AHDC1: variants seen among roughly 807,000 people sequenced by gnomAD.
AHDC1 encodes transcription factor Gibbin.
AHDC1 carries 7 observed loss-of-function variants against 87.9 expected under a neutral mutation model. That is an observed-to-expected ratio of 0.08 (90% CI 0.05 to 0.15). The LOEUF (loss-of-function observed/expected upper bound fraction) is 0.15. AHDC1 is among the 10% of genes least tolerant of loss of function. The pLI, the probability that AHDC1 is intolerant of heterozygous loss-of-function variation, is 1.00. For synonymous variants in AHDC1, 1,051 were observed against 1,006.8 expected (o/e 1.04, Z -0.83); for missense variants, 1,841 against 2,253.2 (o/e 0.82, Z 3.70).
At chr1:27,602,991 C>G (rs957488216) in intron 3 of AHDC1, among the ~76,000 whole-genome samples, 17 of 140,484 alleles carry the variant, frequency 1.2e-4, no homozygotes, top group Admixed American at 7.0e-4. Context: ...TTCATTCCCC[C>G]CCCCCCCACA....
At chr1:27,603,067 G>T (rs1045004063) in intron 3 of AHDC1, among the ~76,000 whole-genome samples, 29 of 150,522 alleles carry the variant, frequency 1.9e-4, no homozygotes, top group African/African-American at 6.6e-4. Context: ...GGAAGGAGGA[G>T]GGGGCGCGCG....
At chr1:27,578,014 T>C (rs1210845075) in intron 3 of AHDC1, among the ~76,000 whole-genome samples, 1 of 152,196 alleles carries the variant, frequency 6.6e-6, no homozygotes, top group Non-Finnish European at 1.5e-5. Context: ...GGGTGTAACC[T>C]CTGGCGAGTA....
chr1:27,571,530 CTCTGGAATCTCGGGGGTCAGGGCTG>C (rs1571295413), intron 3 of AHDC1, among the ~76,000 whole-genome samples: 1 of 152,110 alleles, frequency 6.6e-6, no homozygotes, highest in East Asian at 1.9e-4. Flanking sequence ...TCCCCCCAGG[CTCTGGAATCTCGGGGGTCAGGGCTG>C]AGGGACAGCC....
Position 27,547,303 on chromosome 1 carries a change from A to G in AHDC1, c.*1T>C. The G allele has an allele frequency of 6.5e-7, 1 of 1,528,660 alleles. No individual in the cohort carries two copies. Among genetic ancestry groups the G allele is most frequent in the Non-Finnish European group, 8.8e-7 (1 of 1,140,014 alleles). The allele number at this position is 1,528,660 out of a possible 1,614,324, so 94.7% of individuals were successfully genotyped here. A position where few individuals can be genotyped will look rare whatever the true frequency, so the allele number is the denominator to read the frequency against. ...CGGTCCAGTCGGCACTTCAGTTGGC[A>G]CTACAGGGATGTGACGGTGAATGTG... is the stretch of plus-strand genomic sequence containing the variant. On this transcript the variant is annotated 3_prime_UTR_variant, in exon 8 of 9. Coordinates refer to ENST00000673934, the MANE Select transcript of AHDC1 (RefSeq NM_001371928.1). This position sits in a 1 kb window ranked among gnomAD's most constrained non-coding sequence, Gnocchi z 4.9.
At chr1:27,578,700 CTCTTT>C (rs1403877550) in intron 3 of AHDC1, among the ~76,000 whole-genome samples, 1 of 151,172 alleles carries the variant, frequency 6.6e-6, no homozygotes, top group Non-Finnish European at 1.5e-5. Flanking sequence ...TATGTGGCTT[CTCTTT>C]TTTTTTTTTG....
intron 3 of AHDC1, among the ~76,000 whole-genome samples, chr1:27,576,220 G>A (rs958191571): frequency 6.6e-6 from 1 of 152,144 alleles, no homozygotes; most frequent in Non-Finnish European, 1.5e-5. Flanking sequence ...AATTGGGGTT[G>A]AGCTACCCGG....
rs758233529 is a variant in AHDC1, at chr1:27,549,779, G to T, written c.2337C>A (p.His779Gln). Reference sequence around the variant, plus strand: ...CAGCTTGTCCGCCTGGGTGCCCATGGTGAGGGGCCCAGCCACCACCCTTAT... The same window carrying T: ...CAGCTTGTCCGCCTGGGTGCCCATGTTGAGGGGCCCAGCCACCACCCTTAT... ...AGDKGGGWAP[H>Q]HGHPGGQAGR... The change falls in exon 8 of 9, where the codon CAC (histidine) becomes CAA (glutamine). Residue 779 changes from histidine to glutamine, a missense_variant. By Grantham distance (24) the His-to-Gln change is conservative. Transcript: ENST00000673934. 16 of 1,613,152 alleles carry T rather than the reference G, an allele frequency of 9.9e-6. No homozygotes were observed. The Middle Eastern group carries it at 9.9e-4, about 99-fold the overall frequency.
At chr1:27,538,475 G>GT (rs2018752129) in intron 8 of AHDC1, among the ~76,000 whole-genome samples, 1 of 150,602 alleles carries the variant, frequency 6.6e-6, no homozygotes, top group Admixed American at 6.6e-5. Context: ...GTGACCCAGA[G>GT]TAAGTCCCTT....
At chr1:27,570,470 T>C (rs2020518567) in intron 3 of AHDC1, among the ~76,000 whole-genome samples, 2 of 152,116 alleles carry the variant, frequency 1.3e-5, no homozygotes, top group African/African-American at 4.8e-5. Context: ...CCAAGTTTCC[T>C]GGGTCCCCGC....
intron 8 of AHDC1, among the ~76,000 whole-genome samples, chr1:27,538,185 TGAGCTCAG>T (rs1373268202): frequency 6.6e-6 from 1 of 151,906 alleles, no homozygotes; most frequent in African/African-American, 2.4e-5. Context: ...GTGGATCTCT[TGAGCTCAG>T]GAGCTCAAGA....
intron 3 of AHDC1, chr1:27,568,135 T>C (rs745853046): frequency 3.9e-5 from 6 of 152,106 alleles, no homozygotes; most frequent in East Asian, 3.9e-4. Flanking sequence ...AAGGGCCCGA[T>C]AGTACAAGGT....
rs948929880 is a variant in AHDC1, at chr1:27,590,148, C to A, written c.-629+13249G>T. Among the ~76,000 whole-genome samples the A allele has an allele frequency of 1.3e-5, 2 of 151,668 alleles. No homozygotes were observed. The highest frequency in any genetic ancestry group is 2.9e-5 in the Non-Finnish European group (2 of 67,984). On this transcript the variant is annotated intron_variant, in intron 3 of 8. Coordinates refer to ENST00000673934, the MANE Select transcript of AHDC1 (RefSeq NM_001371928.1). This position sits in a 1 kb window ranked among gnomAD's most constrained non-coding sequence, Gnocchi z 5.4. The stretch of plus-strand genomic sequence containing the variant: ...GAGGGGAGGGATGAGCTGCAGGCCC[C>A]GGCCGGGATTTTCCATCTCTCAGCA...
intron 8 of AHDC1, among the ~76,000 whole-genome samples, chr1:27,541,001 TAAAAAAAAAAAAA>T (rs55912405): frequency 9.7e-5 from 7 of 72,370 alleles, no homozygotes; most frequent in African/African-American, 3.5e-4. Context: ...CTAAAAATGC[TAAAAAAAAAAAAA>T]AAAAAAAAAA....
Position 27,593,124 on chromosome 1 carries a change from C to T in AHDC1, c.-629+10273G>A, listed in dbSNP as rs1351719887. ...AGGCCTCGGTGGAACGGAGTAGACACGGTGTCTCCTCAGGGAAGGCCCCTA... is the reference window on the plus strand; with the variant it reads ...AGGCCTCGGTGGAACGGAGTAGACATGGTGTCTCCTCAGGGAAGGCCCCTA... On this transcript the variant is annotated intron_variant, in intron 3 of 8. Transcript: ENST00000673934. The surrounding 1 kb of genome is among the most constrained non-coding windows in gnomAD (Gnocchi z 4.9). Among the ~76,000 whole-genome samples the T allele has an allele frequency of 2.6e-5, 4 of 152,044 alleles. No homozygotes were observed. The highest frequency in any genetic ancestry group is 4.8e-5 in the African/African-American group (2 of 41,382).
At chr1:27,555,850 C>T (rs1037932040) in intron 5 of AHDC1, among the ~76,000 whole-genome samples, 3 of 152,142 alleles carry the variant, frequency 2.0e-5, no homozygotes, top group Non-Finnish European at 4.4e-5. Flanking sequence ...TCAACCCACC[C>T]GTGAAGACCT....
Position 27,590,933 on chromosome 1 carries a change from T to C in AHDC1, c.-629+12464A>G, listed in dbSNP as rs940181229. 2.0e-5 allele frequency among the ~76,000 whole-genome samples: 3 copies of C among 152,142 alleles called. No homozygotes were observed. The highest frequency in any genetic ancestry group is 4.4e-5 in the Non-Finnish European group (3 of 68,004). On this transcript the variant is annotated intron_variant, in intron 3 of 8. Transcript: ENST00000673934. The surrounding 1 kb of genome is among the most constrained non-coding windows in gnomAD (Gnocchi z 5.4). ...ATGAGCAGTTGGAGAGCAGGTTTGC[T>C]AAGAGACTAAGGTTGAGGAGGAGAA...
intron 5 of AHDC1, among the ~76,000 whole-genome samples, chr1:27,557,122 CGCCCCCTGCCA>C (rs2019854953): frequency 6.6e-6 from 1 of 151,154 alleles, no homozygotes; most frequent in South Asian, 2.1e-4. Flanking sequence ...GCCCCAGAAC[CGCCCCCTGCCA>C]GCCCCCTGCC....
chr1:27,552,400 C>A, intron 7 of AHDC1: 1 of 271,704 alleles, frequency 3.7e-6, no homozygotes. Context: ...CCCAGTTTCA[C>A]TTTTTTTTTT....
At position 27,548,141 on chromosome 1, in the gene AHDC1, T is replaced by C; in HGVS notation, c.3975A>G (p.Pro1325=). The change falls in exon 8 of 9, where the codon CCA becomes CCG. Residue 1325 remains proline, a synonymous_variant. Coordinates refer to ENST00000673934, the MANE Select transcript of AHDC1 (RefSeq NM_001371928.1). ...DYYSGDSSMS[P]LPSQSRAFGV... ...CGAAGGCCCTCGACTGTGAGGGCAGTGGTGACATGCTGCTGTCCCCGCTAT... is the reference window on the plus strand; with the variant it reads ...CGAAGGCCCTCGACTGTGAGGGCAGCGGTGACATGCTGCTGTCCCCGCTAT... 6.2e-7 allele frequency: 1 copy of C among 1,613,872 alleles called. No homozygotes were observed. Among genetic ancestry groups the C allele is most frequent in the Non-Finnish European group, 8.5e-7 (1 of 1,180,034 alleles).
Sources: allele counts gnomAD v4.1 joint callset (sites outside exome capture counted in the v4.1 genomes callset), GRCh38; gene constraint gnomAD v4.1.1; non-coding constraint Gnocchi (gnomAD v3.1); transcripts MANE v1.5; gene names NCBI Gene and HGNC (gene_info 2026-07-23, HGNC 2026-07-21).